Variants in MEF2B observed in about 807,000 individuals in gnomAD.
MEF2B encodes myocyte-specific enhancer factor 2B.
In MEF2B, 15 loss-of-function variants were observed where a neutral mutation model predicts 32.2. The ratio of observed to expected loss-of-function variants is 0.47; its 90% CI spans 0.31 to 0.72. The LOEUF (loss-of-function observed/expected upper bound fraction) is 0.72. Ranked by LOEUF, MEF2B falls within the 30% of genes least tolerant of loss-of-function variation. The pLI is 0.05. For synonymous variants in MEF2B, 205 were observed against 225.6 expected, an observed-to-expected ratio of 0.91 and a Z score of 0.82; for missense variants, 441 against 511.5, an observed-to-expected ratio of 0.86 and a Z score of 1.33.
chr19:19,149,726 G>A (rs560176306), intron 2 of MEF2B, among the ~76,000 whole-genome samples: 33 of 152,048 alleles, frequency 2.2e-4, no homozygotes, highest in Non-Finnish European at 2.9e-5. Context: ...GCTGTGTCAA[G>A]CTCCATCTCC....
intron 2 of MEF2B, among the ~76,000 whole-genome samples, chr19:19,149,713 G>A (rs1054214101): frequency 6.6e-6 from 1 of 152,068 alleles, no homozygotes; most frequent in Non-Finnish European, 1.5e-5. Flanking sequence ...TGAGTTAGGT[G>A]TGGCTGTGTC....
At chr19:19,161,499 A>G (rs1197482922) in intron 1 of MEF2B, among the ~76,000 whole-genome samples, 1 of 151,898 alleles carries the variant, frequency 6.6e-6, no homozygotes, top group African/African-American at 2.4e-5. Flanking sequence ...CTCCAAACAC[A>G]CACATCCCCA....
At chr19:19,155,419 G>A (rs953833923) in intron 1 of MEF2B, among the ~76,000 whole-genome samples, 2 of 152,142 alleles carry the variant, frequency 1.3e-5, no homozygotes, top group African/African-American at 2.4e-5. Flanking sequence ...GGCATTGGGG[G>A]TATATATATC....
intron 1 of MEF2B, among the ~76,000 whole-genome samples, chr19:19,159,241 T>TAAAAAAAA (rs35056015): frequency 2.3e-5 from 2 of 88,008 alleles, no homozygotes; most frequent in Non-Finnish European, 4.2e-5. Context: ...GTGCGTGGCC[T>TAAAAAAAA]AAAAAAAAAA....
rs970747427 is a variant in MEF2B at position 19,146,490 on chromosome 19, G to A, written c.769+65C>T. ...TGAGTTCTGGTGGGTGGGAGGGTGT[G>A]GAACCCCCAGAGGGCAGGAGTGCGG... On this transcript the variant is annotated intron_variant, in intron 7 of 8. Coordinates refer to ENST00000424583, the MANE Select transcript of MEF2B (RefSeq NM_001145785.2). The A allele has an allele frequency of 3.5e-6, 5 of 1,434,750 alleles. No individual in the cohort carries two copies. In the African/African-American group the frequency reaches 7.2e-5, roughly 21 times the overall value. 88.9% of individuals were successfully genotyped at this position (1,434,750 alleles called of 1,614,324 possible).
chr19:19,156,763 A>G (rs1051108331), intron 1 of MEF2B, among the ~76,000 whole-genome samples: 11 of 152,142 alleles, frequency 7.2e-5, no homozygotes, highest in Non-Finnish European at 1.3e-4. Flanking sequence ...GTGATCCTCC[A>G]GCCTCAGCAT....
At chr19:19,162,834 C>G (rs1260307978) in intron 1 of MEF2B, among the ~76,000 whole-genome samples, 1 of 152,228 alleles carries the variant, frequency 6.6e-6, no homozygotes, top group Admixed American at 6.5e-5. Flanking sequence ...AAACCCGCCA[C>G]TTGCCCACTG....
intron 1 of MEF2B, among the ~76,000 whole-genome samples, chr19:19,168,091 A>G (rs2060223748): frequency 6.6e-6 from 1 of 152,148 alleles, no homozygotes; most frequent in Non-Finnish European, 1.5e-5. Flanking sequence ...TCTGGAAATC[A>G]GTCCTCACAC....
intron 2 of MEF2B, among the ~76,000 whole-genome samples, chr19:19,150,083 CAAAA>C (rs562187293): frequency 2.2e-5 from 1 of 45,890 alleles, no homozygotes; most frequent in African/African-American, 9.6e-5. Context: ...AACTCCATCT[CAAAA>C]AAAAAAAAAA....
chr19:19,158,108 A>G (rs2006978), intron 1 of MEF2B, among the ~76,000 whole-genome samples: 84,410 of 150,046 alleles, frequency 0.56, 24,434 homozygotes, highest in East Asian at 0.75. Context: ...TTTTTTTTGA[A>G]GTGGAGTCTC....
chr19:19,162,409 G>A (rs1339823026), intron 1 of MEF2B, among the ~76,000 whole-genome samples: 2 of 152,026 alleles, frequency 1.3e-5, no homozygotes, highest in South Asian at 2.1e-4. Context: ...CTGGGATTAC[G>A]GGTGTGAGCC....
chr19:19,169,717 C>T (rs2060237765), intron 1 of MEF2B, among the ~76,000 whole-genome samples: 1 of 152,150 alleles, frequency 6.6e-6, no homozygotes, highest in Non-Finnish European at 1.5e-5. Context: ...GAGTTGGCCC[C>T]GGCAGCTGTT....
rs1336736095 is a variant in MEF2B at position 19,149,325 on chromosome 19, G to A, written c.159C>T (p.Arg53=). ...TGTCCGTGCTGGCATACTGGAAGAG[G>A]CGGTTGGCGCTGTTGAAGATGATGA... ...IALIIFNSAN[R]LFQYASTDMD... The change falls in exon 3 of 9, where the codon CGC becomes CGT. Residue 53 remains arginine (R), a synonymous_variant. Coordinates refer to ENST00000424583, the MANE Select transcript of MEF2B (RefSeq NM_001145785.2). 8 of 1,613,974 alleles carry A rather than the reference G, an allele frequency of 5.0e-6. No individual in the cohort carries two copies. In the East Asian group the frequency reaches 1.8e-4, roughly 36 times the overall value.
Position 19,150,166 on chromosome 19 carries a change from G to A in MEF2B, c.54+516C>T, listed in dbSNP as rs1268396846. ...AAGGAGGGAGGGAAGGAGGGAGGGAGGGAAGGAGGGAGGGAGGGAAGGAAG... is the reference window on the plus strand; with the variant it reads ...AAGGAGGGAGGGAAGGAGGGAGGGAAGGAAGGAGGGAGGGAGGGAAGGAAG... On this transcript the variant is annotated intron_variant, in intron 2 of 8. Coordinates refer to ENST00000424583, the MANE Select transcript of MEF2B (RefSeq NM_001145785.2). 2.0e-3 allele frequency among the ~76,000 whole-genome samples: 241 copies of A among 121,404 alleles called. 1 individual carries two copies. The highest frequency in any genetic ancestry group is 7.8e-3 in the African/African-American group (230 of 29,356). The allele number at this position is 121,404 out of a possible 152,430, so 79.6% of individuals were successfully genotyped here.
rs189279238 is a variant in MEF2B, at chr19:19,164,462, G to A, written c.-30+5743C>T. Among the ~76,000 whole-genome samples the A allele has an allele frequency of 3.3e-5, 5 of 152,254 alleles. No homozygotes were observed. In the East Asian group the frequency reaches 5.8e-4, roughly 18 times the overall value. On this transcript the variant is annotated intron_variant, in intron 1 of 8. Transcript: ENST00000424583. ...ACTGCCCAGCTTGGGAGAAAACCAC[G>A]TCCAGGTGACCATCCATGGCAAACC...
At chr19:19,165,513 G>A (rs2060201047) in intron 1 of MEF2B, among the ~76,000 whole-genome samples, 1 of 152,134 alleles carries the variant, frequency 6.6e-6, no homozygotes, top group Admixed American at 6.5e-5. Context: ...GTGGGACTGT[G>A]CTAAACAGGT....
intron 1 of MEF2B, among the ~76,000 whole-genome samples, chr19:19,159,055 C>G: frequency 6.6e-6 from 1 of 151,414 alleles, no homozygotes; most frequent in Non-Finnish European, 1.5e-5. Flanking sequence ...ATTCTCCTGC[C>G]TCAGCCTCCT....
chr19:19,168,878 G>A (rs1359570707), intron 1 of MEF2B, among the ~76,000 whole-genome samples: 1 of 148,612 alleles, frequency 6.7e-6, no homozygotes, highest in Non-Finnish European at 1.5e-5. Context: ...GTGAAACAAC[G>A]TCTCTACAAA....
Position 19,150,780 on chromosome 19 carries a change from G to A in MEF2B, c.-29-16C>T. 2 of 1,613,970 alleles carry A rather than the reference G, an allele frequency of 1.2e-6. No homozygotes were observed. Among genetic ancestry groups the A allele is most frequent in the Non-Finnish European group, 1.7e-6 (2 of 1,179,938 alleles). ...TGATCTTTGTCTAGGAGGAGAAGAG[G>A]GAGAGGACAGAGTGAGTGGGTGGAG... On this transcript the variant is annotated splice_polypyrimidine_tract_variant and intron_variant, in intron 1 of 8. Coordinates refer to ENST00000424583, the MANE Select transcript of MEF2B (RefSeq NM_001145785.2).
Sources: gnomAD v4.1 joint callset for allele counts (sites outside exome capture counted in the v4.1 genomes callset) on GRCh38, gnomAD v4.1.1 for gene constraint, MANE v1.5 for transcripts, NCBI Gene and HGNC (gene_info 2026-07-23, HGNC 2026-07-21) for gene names.